CACNA1C: variants seen among roughly 807,000 people sequenced by gnomAD.
CACNA1C encodes calcium voltage-gated channel subunit alpha1 C.
Under a neutral mutation model 229.0 loss-of-function variants are expected in CACNA1C, and 30 were observed. The ratio of observed to expected loss-of-function variants is 0.13; its 90% CI spans 0.10 to 0.18. The LOEUF (loss-of-function observed/expected upper bound fraction) is 0.18, where lower values mean the gene tolerates loss of function less well. Ranked by LOEUF, CACNA1C falls within the 10% of genes least tolerant of loss-of-function variation. The probability of loss-of-function intolerance (pLI) is 1.00; values close to 1 mark genes in which losing one functional copy is unlikely to be tolerated. For synonymous variants in CACNA1C, 1,114 were observed against 1,132.5 expected (o/e 0.98, Z 0.33); for missense variants, 1,658 against 2,845.0 (o/e 0.58, Z 9.49).
intron 46 of CACNA1C, among the ~76,000 whole-genome samples, chr12:2,690,448 G>A (rs1036428109): frequency 1.3e-5 from 2 of 152,192 alleles, no homozygotes; most frequent in Non-Finnish European, 2.9e-5. Flanking sequence ...TCCCACCTCA[G>A]TCTCTGGCCT....
Position 2,665,133 on chromosome 12 carries a change from A to T in CACNA1C, c.4398+143A>T. Reference sequence around the variant, plus strand: ...GAAGACTAAGTTGGCAGGAGTGTCCAGCCACATGGAGAGAAAGGCAGAAAG... The same window carrying T: ...GAAGACTAAGTTGGCAGGAGTGTCCTGCCACATGGAGAGAAAGGCAGAAAG... On this transcript the variant is annotated intron_variant, in intron 35 of 46. Coordinates refer to ENST00000399655, the MANE Select transcript of CACNA1C (RefSeq NM_000719.7). The surrounding 1 kb of genome is among the most constrained non-coding windows in gnomAD (Gnocchi z 5.9). 1 of 772,318 alleles carries T rather than the reference A, an allele frequency of 1.3e-6. No individual in the cohort carries two copies. The highest frequency in any genetic ancestry group is 2.1e-6 in the Non-Finnish European group (1 of 481,458). The allele number at this position is 772,318 out of a possible 1,614,324, so 47.8% of individuals were successfully genotyped here. A position where few individuals can be genotyped will look rare whatever the true frequency, so the allele number is the denominator to read the frequency against.
intron 3 of CACNA1C, among the ~76,000 whole-genome samples, chr12:2,177,434 A>G (rs1487829606): frequency 6.6e-6 from 1 of 152,010 alleles, no homozygotes; most frequent in African/African-American, 2.4e-5. Context: ...CCTTCTCATT[A>G]TTCCCTGCCT....
At chr12:2,662,350 A>G (rs544111389) in intron 34 of CACNA1C, among the ~76,000 whole-genome samples, 48 of 152,290 alleles carry the variant, frequency 3.2e-4, no homozygotes, top group African/African-American at 1.1e-3. Context: ...ATACAAGAAA[A>G]ATTACAGAAA....
rs908062816 is a variant in CACNA1C, at chr12:1,971,841, ATTTG to A, written c.139+644_139+647del. On this transcript the variant is annotated intron_variant, in intron 1 of 46. Transcript: ENST00000682462. The surrounding 1 kb of genome is among the most constrained non-coding windows in gnomAD (Gnocchi z 4.2). ...GATCTGTTCTTTTAAGATATTTATA[ATTTG>A]TTTTATATTTTTACCCAAATACCAT... Among the ~76,000 whole-genome samples, 4 of 152,206 alleles carry A rather than the reference ATTTG, an allele frequency of 2.6e-5. No individual in the cohort carries two copies. The highest frequency in any genetic ancestry group is 9.7e-5 in the African/African-American group (4 of 41,448).
At chr12:2,596,264 C>G (rs894506298) in intron 20 of CACNA1C, 15 of 366,876 alleles carry the variant, frequency 4.1e-5, no homozygotes, top group Non-Finnish European at 6.8e-5. Context: ...TGTGGATGTT[C>G]CCCAGGAAGC....
intron 21 of CACNA1C, among the ~76,000 whole-genome samples, chr12:2,599,893 G>A (rs974364011): frequency 1.1e-4 from 17 of 152,062 alleles, no homozygotes; most frequent in Non-Finnish European, 2.4e-4. Context: ...TGTTCCCACC[G>A]CCCCCACATG....
Position 2,493,474 on chromosome 12 carries a change from G to A in CACNA1C, c.1113+88G>A. 2.1e-5 allele frequency: 20 copies of A among 965,866 alleles called. No individual in the cohort carries two copies. Among genetic ancestry groups the A allele is most frequent in the South Asian group, 4.3e-5 (3 of 70,420 alleles). The allele number at this position is 965,866 out of a possible 1,614,324, so 59.8% of individuals were successfully genotyped here. A position where few individuals can be genotyped will look rare whatever the true frequency, so the allele number is the denominator to read the frequency against. ...ACCTCCCTTTCTCCTCCTCCCCATG[G>A]TCTTGGGGTCACATACGCATCTTGA... On this transcript the variant is annotated intron_variant, in intron 7 of 46. Transcript: ENST00000399655. The surrounding 1 kb of genome is among the most constrained non-coding windows in gnomAD (Gnocchi z 4.6).
chr12:2,584,492 G>A lies in CACNA1C; in HGVS notation c.2225-11G>A, dbSNP rs1266520867. The A allele has an allele frequency of 1.9e-6, 3 of 1,597,380 alleles. No individual in the cohort carries two copies. Among genetic ancestry groups the A allele is most frequent in the Admixed American group, 1.7e-5 (1 of 59,984 alleles). ...CCAAGGGTCATTTTCTTTAAGAATG[G>A]ACACAAACAGATATCCTACTGAATG... On this transcript the variant is annotated splice_polypyrimidine_tract_variant and intron_variant, in intron 15 of 46. Coordinates refer to ENST00000399655, the MANE Select transcript of CACNA1C (RefSeq NM_000719.7).
At chr12:2,437,848 G>A (rs202033546) in intron 3 of CACNA1C, among the ~76,000 whole-genome samples, 260 of 94,002 alleles carry the variant, frequency 2.8e-3, no homozygotes, top group East Asian at 0.023. Context: ...TGATGGTGGT[G>A]ATGATGGTGG....
At chr12:2,064,664 G>T (rs1380708051) in intron 1 of CACNA1C, among the ~76,000 whole-genome samples, 1 of 152,210 alleles carries the variant, frequency 6.6e-6, no homozygotes, top group South Asian at 2.1e-4. Flanking sequence ...AGGGGAGAGG[G>T]AAGCGAGCAG....
At position 2,581,653 on chromosome 12, in the gene CACNA1C, C is replaced by A; in HGVS notation, c.1959C>A (p.Ser653=). Residue 653 remains serine (S), a synonymous_variant, in exon 14 of 47, where the codon TCC becomes TCA. Transcript: ENST00000399655. ...SLLNSVRSIA[S]LLLLLFLFII... ...TGAACTCTGTGCGCTCCATCGCCTCCCTGCTCCTTCTCCTCTTCCTCTTCA... is the reference window on the plus strand; with the variant it reads ...TGAACTCTGTGCGCTCCATCGCCTCACTGCTCCTTCTCCTCTTCCTCTTCA... 6.2e-7 allele frequency: 1 copy of A among 1,604,870 alleles called. No individual in the cohort carries two copies. Among genetic ancestry groups the A allele is most frequent in the Non-Finnish European group, 8.5e-7 (1 of 1,175,394 alleles).
At chr12:2,218,617 G>A (rs189089550) in intron 3 of CACNA1C, among the ~76,000 whole-genome samples, 2 of 152,324 alleles carry the variant, frequency 1.3e-5, no homozygotes, top group East Asian at 3.9e-4. Flanking sequence ...CTGTGGCAAT[G>A]CTGGGGAGGG....
At chr12:2,669,137 C>A in intron 38 of CACNA1C, 102 bp downstream of exon 38, 1 of 833,950 alleles carries the variant, frequency 1.2e-6, no homozygotes, top group South Asian at 1.3e-5. Flanking sequence ...ACTTCCTGCC[C>A]CAGACAGCAT....
At chr12:2,610,797 T>C in intron 28 of CACNA1C, 98 bp downstream of exon 28, 1 of 1,225,946 alleles carries the variant, frequency 8.2e-7, no homozygotes, top group Non-Finnish European at 1.2e-6. Context: ...GTGCATCGCT[T>C]TCCTGGTCAC....
rs941195904 is a variant in CACNA1C, at chr12:2,451,096, C to T, written c.617+1981C>T. On this transcript the variant is annotated intron_variant, in intron 4 of 46. Coordinates refer to ENST00000399655, the MANE Select transcript of CACNA1C (RefSeq NM_000719.7). ...GAACCTCAGGAATATTTGGGTGATA[C>T]GAGGTGCACTAAGGTTATTAGCATC... is the stretch of plus-strand genomic sequence containing the variant. Among the ~76,000 whole-genome samples the T allele has an allele frequency of 1.1e-4, 16 of 152,114 alleles. No homozygotes were observed. The East Asian group carries it at 2.5e-3, about 24-fold the overall frequency.
rs187642363 is a variant in CACNA1C at position 1,982,295 on chromosome 12, G to A, written c.139+11094G>A. On this transcript the variant is annotated intron_variant, in intron 1 of 46. Transcript: ENST00000682462. ...GCATTAAGCACATCCACAATATTGT[G>A]CAACCATCACCGCTATCCATCTCCA... Among the ~76,000 whole-genome samples, 852 of 152,136 alleles carry A rather than the reference G, an allele frequency of 5.6e-3. 6 individuals are homozygous for A. Among genetic ancestry groups the A allele is most frequent in the African/African-American group, 0.019 (784 of 41,494 alleles).
At chr12:2,352,784 A>G (rs1033522476) in intron 3 of CACNA1C, among the ~76,000 whole-genome samples, 1 of 152,140 alleles carries the variant, frequency 6.6e-6, no homozygotes, top group Non-Finnish European at 1.5e-5. Flanking sequence ...AAATGAGTTC[A>G]GGACTAACCC....
rs1267740948 is a variant in CACNA1C, at chr12:2,582,685, TG to T, written c.2104-132del. 3.6e-6 allele frequency: 3 copies of T among 838,538 alleles called. No homozygotes were observed. The African/African-American group carries it at 5.1e-5, about 14-fold the overall frequency. The allele number at this position is 838,538 out of a possible 1,614,324, so 51.9% of individuals were successfully genotyped here. ...GCTCAGAGCCCCTGGGGAGGAGAAT[TG>T]GGGGCCAGGAGGAGGGAAAGAAGTG... On this transcript the variant is annotated intron_variant, in intron 14 of 46. Coordinates refer to ENST00000399655, the MANE Select transcript of CACNA1C (RefSeq NM_000719.7).
At chr12:2,322,708 C>T (rs551366081) in intron 3 of CACNA1C, among the ~76,000 whole-genome samples, 43 of 152,316 alleles carry the variant, frequency 2.8e-4, no homozygotes, top group African/African-American at 7.7e-4. Context: ...CTTACCATGC[C>T]GCGTTGCACG....
Sources: allele counts gnomAD v4.1 joint callset (sites outside exome capture counted in the v4.1 genomes callset), GRCh38; gene constraint gnomAD v4.1.1; non-coding constraint Gnocchi (gnomAD v3.1); transcripts MANE v1.5; gene names NCBI Gene and HGNC (gene_info 2026-07-23, HGNC 2026-07-21).